RGS7: variants seen among roughly 807,000 people sequenced by gnomAD.
The protein encoded by RGS7 is regulator of G protein signaling 7.
A neutral mutation model predicts 81.1 loss-of-function variants in RGS7; 27 were observed. That is an observed-to-expected ratio of 0.33 (90% CI 0.25 to 0.46). RGS7 has a LOEUF of 0.46. RGS7 is among the 20% of genes least tolerant of loss of function. RGS7 has a pLI of 1.00. For missense variants in RGS7, 396 were observed against 607.4 expected (o/e 0.65, Z 3.66); for synonymous variants, 208 against 207.7 (o/e 1.00, Z -0.01).
chr1:241,114,152 T>C (rs1317635197), intron 2 of RGS7, among the ~76,000 whole-genome samples: 1 of 152,088 alleles, frequency 6.6e-6, no homozygotes, highest in Admixed American at 6.6e-5. Context: ...AGCTCAGCAG[T>C]AGTAAGTCCA....
intron 6 of RGS7, among the ~76,000 whole-genome samples, chr1:240,924,986 AG>A (rs1193194006): frequency 2.6e-5 from 4 of 152,170 alleles, no homozygotes; most frequent in Non-Finnish European, 5.9e-5. Flanking sequence ...AAGTAAGTAC[AG>A]GGGAGGCTCC....
chr1:240,999,453 G>A (rs1687798879), intron 3 of RGS7, among the ~76,000 whole-genome samples: 1 of 151,950 alleles, frequency 6.6e-6, no homozygotes, highest in African/African-American at 2.4e-5. Flanking sequence ...AGATGTCCTG[G>A]GCCACAAGTT....
intron 2 of RGS7, among the ~76,000 whole-genome samples, chr1:241,275,956 T>C (rs2078172315): frequency 6.6e-6 from 1 of 152,232 alleles, no homozygotes; most frequent in Non-Finnish European, 1.5e-5. Context: ...TTGGAGCTTC[T>C]AATGAATCTA....
chr1:240,797,268 C>T (rs192021401), intron 18 of RGS7, among the ~76,000 whole-genome samples: 1 of 152,322 alleles, frequency 6.6e-6, no homozygotes, highest in Non-Finnish European at 1.5e-5. Context: ...TCATCCTACC[C>T]TGTTTTTCCT....
chr1:241,113,067 A>C (rs951510593), intron 2 of RGS7, among the ~76,000 whole-genome samples: 3 of 152,186 alleles, frequency 2.0e-5, no homozygotes, highest in African/African-American at 7.2e-5. Context: ...GAATTCATAC[A>C]AAATCCCAAG....
intron 4 of RGS7, among the ~76,000 whole-genome samples, chr1:240,952,460 G>A (rs529154646): frequency 2.2e-4 from 34 of 152,036 alleles, no homozygotes; most frequent in Non-Finnish European, 3.5e-4. Flanking sequence ...AATGTATATC[G>A]TAAACTCTAG....
At chr1:241,114,323 T>TTCTC (rs111719705) in intron 2 of RGS7, among the ~76,000 whole-genome samples, 1 of 151,546 alleles carries the variant, frequency 6.6e-6, no homozygotes, top group Non-Finnish European at 1.5e-5. Flanking sequence ...AGCTCGCTCT[T>TTCTC]TCTCTCTCTC....
intron 2 of RGS7, among the ~76,000 whole-genome samples, chr1:241,301,814 A>C (rs1385666303): frequency 1.3e-5 from 2 of 152,250 alleles, no homozygotes; most frequent in East Asian, 3.8e-4. Flanking sequence ...TTTGAATAGA[A>C]TCTAAAGCAA....
intron 2 of RGS7, among the ~76,000 whole-genome samples, chr1:241,337,962 T>C (rs1037273209): frequency 1.3e-5 from 2 of 152,262 alleles, no homozygotes; most frequent in African/African-American, 4.8e-5. Context: ...TTAAATGTTT[T>C]GAGTGTTTAA....
chr1:240,834,441 G>A (rs769696317), intron 9 of RGS7, among the ~76,000 whole-genome samples: 1 of 152,300 alleles, frequency 6.6e-6, no homozygotes, highest in East Asian at 1.9e-4. Flanking sequence ...GGCAGGTTGA[G>A]TAGAAGTCAC....
Position 241,207,118 on chromosome 1 carries a change from A to G in RGS7, c.79-108356T>C, listed in dbSNP as rs111681394. On this transcript the variant is annotated intron_variant, in intron 2 of 18. Coordinates refer to ENST00000440928, the MANE Select transcript of RGS7 (RefSeq NM_001364886.1). ...CGAGTAGCTGGGACTACAGGTGCCC[A>G]CCACCACGCCCGGCTAATTTTTGTA... Among the ~76,000 whole-genome samples the G allele has an allele frequency of 1.9e-3, 291 of 150,674 alleles. 1 individual carries two copies. The highest frequency in any genetic ancestry group is 2.1e-3 in the Non-Finnish European group (140 of 67,574).
chr1:241,264,929 T>G (rs2077507378), intron 2 of RGS7, among the ~76,000 whole-genome samples: 1 of 152,194 alleles, frequency 6.6e-6, no homozygotes, highest in Non-Finnish European at 1.5e-5. Flanking sequence ...TAACTGCAAG[T>G]TTCCCCCTCC....
chr1:240,822,002 C>T (rs1452839595), intron 10 of RGS7, among the ~76,000 whole-genome samples: 1 of 152,180 alleles, frequency 6.6e-6, no homozygotes, highest in Admixed American at 6.5e-5. Context: ...TTTGTGTCAA[C>T]TTGGCTGGCT....
intron 6 of RGS7, among the ~76,000 whole-genome samples, chr1:240,921,641 A>G (rs1673563135): frequency 6.6e-6 from 1 of 152,148 alleles, no homozygotes; most frequent in Non-Finnish European, 1.5e-5. Flanking sequence ...TGAAATATGA[A>G]TTTCAAAACA....
At chr1:241,069,698 G>A (rs747715200) in intron 3 of RGS7, among the ~76,000 whole-genome samples, 5 of 152,154 alleles carry the variant, frequency 3.3e-5, no homozygotes, top group Non-Finnish European at 5.9e-5. Flanking sequence ...GTACAAAAAT[G>A]CAGGAGAAGC....
At chr1:241,356,823 G>C (rs545169139) in intron 1 of RGS7, 76 bp downstream of exon 1, 1 of 150,636 alleles carries the variant, frequency 6.6e-6, no homozygotes, top group Non-Finnish European at 1.5e-5. Flanking sequence ...TGCGCAGAGC[G>C]AGGGCTGGGT....
chr1:241,183,297 T>C (rs1274855101), intron 2 of RGS7, among the ~76,000 whole-genome samples: 1 of 152,242 alleles, frequency 6.6e-6, no homozygotes, highest in Non-Finnish European at 1.5e-5. Context: ...TTTGGTTGCG[T>C]GCCTATCTAT....
intron 9 of RGS7, among the ~76,000 whole-genome samples, chr1:240,853,995 A>C (rs1317673339): frequency 1.3e-5 from 2 of 152,012 alleles, no homozygotes; most frequent in African/African-American, 2.4e-5. Context: ...CATACAAAAA[A>C]CATTCAGGAA....
At chr1:241,246,307 C>A (rs1208887088) in intron 2 of RGS7, among the ~76,000 whole-genome samples, 1 of 152,050 alleles carries the variant, frequency 6.6e-6, no homozygotes, top group Non-Finnish European at 1.5e-5. Context: ...ACTGATAAAT[C>A]TATCTGTCTT....
Sources: allele counts gnomAD v4.1 joint callset (sites outside exome capture counted in the v4.1 genomes callset), GRCh38; gene constraint gnomAD v4.1.1; transcripts MANE v1.5; gene names NCBI Gene and HGNC (gene_info 2026-07-23, HGNC 2026-07-21).